Variants in MAD1L1 observed in about 807,000 individuals in gnomAD.
MAD1L1 encodes mitotic arrest deficient 1 like 1, also known as mitotic spindle assembly checkpoint protein MAD1.
MAD1L1 carries 95 observed loss-of-function variants against 96.9 expected under a neutral mutation model. That is an observed-to-expected ratio of 0.98 (90% CI 0.83 to 1.16). The LOEUF (loss-of-function observed/expected upper bound fraction) is 1.16. Ranked by LOEUF, MAD1L1 falls within the 50% of genes most tolerant of loss-of-function variation. The pLI is 0.00. For synonymous variants in MAD1L1, 473 were observed against 396.6 expected (o/e 1.19, Z -2.29); for missense variants, 1,007 against 954.4 (o/e 1.06, Z -0.73).
At chr7:1,985,187 C>T (rs1027356523) in intron 14 of MAD1L1, among the ~76,000 whole-genome samples, 7 of 152,224 alleles carry the variant, frequency 4.6e-5, no homozygotes, top group Non-Finnish European at 7.3e-5. Context: ...ACTCAGCAGA[C>T]GGCCCCGGGC....
intron 11 of MAD1L1, among the ~76,000 whole-genome samples, chr7:2,129,323 T>C (rs948615650): frequency 1.3e-5 from 2 of 152,232 alleles, no homozygotes; most frequent in Non-Finnish European, 2.9e-5. Context: ...TGTGGACATC[T>C]GAATGTGCTG....
chr7:1,919,952 C>T (rs1418604781), intron 17 of MAD1L1, among the ~76,000 whole-genome samples: 1 of 152,120 alleles, frequency 6.6e-6, no homozygotes, highest in African/African-American at 2.4e-5. Flanking sequence ...TACCCACACC[C>T]CTCCTCCAGT....
intron 18 of MAD1L1, among the ~76,000 whole-genome samples, chr7:1,817,914 T>C (rs1158412188): frequency 6.6e-6 from 1 of 151,820 alleles, no homozygotes; most frequent in Non-Finnish European, 1.5e-5. Context: ...GAGCACGTGC[T>C]GCCCCAGAGG....
chr7:2,022,729 G>A (rs1466537199), intron 12 of MAD1L1, among the ~76,000 whole-genome samples: 3 of 152,046 alleles, frequency 2.0e-5, no homozygotes, highest in African/African-American at 7.3e-5. Context: ...CGATCATTTC[G>A]AATGTGAATG....
At chr7:1,843,935 C>A (rs186784864) in intron 18 of MAD1L1, among the ~76,000 whole-genome samples, 1 of 152,188 alleles carries the variant, frequency 6.6e-6, no homozygotes, top group South Asian at 2.1e-4. Context: ...TGGCTAGGGG[C>A]GGGGAGGGGA....
At position 1,888,420 on chromosome 7, in the gene MAD1L1, G is replaced by C. The variant is rs1347223740; in HGVS notation, c.1998+9780C>G. Among the ~76,000 whole-genome samples the C allele has an allele frequency of 1.5e-4, 23 of 149,098 alleles. No individual in the cohort carries two copies. In the East Asian group the frequency reaches 4.5e-3, roughly 29 times the overall value. On this transcript the variant is annotated intron_variant, in intron 18 of 18. Transcript: ENST00000265854. ...CATGCGTGTGGCTGCCTGTGCATGT[G>C]AGCATGCATGTGGCTGCCTGTACAT...
At chr7:1,852,284 C>A (rs1490407853) in intron 18 of MAD1L1, among the ~76,000 whole-genome samples, 2 of 152,220 alleles carry the variant, frequency 1.3e-5, no homozygotes, top group East Asian at 1.9e-4. Context: ...TTCAGGCCCC[C>A]ACACCTGCAG....
At chr7:2,004,538 G>A (rs146162575) in intron 13 of MAD1L1, among the ~76,000 whole-genome samples, 79 of 152,300 alleles carry the variant, frequency 5.2e-4, no homozygotes, top group African/African-American at 1.6e-3. Context: ...AGAGCTGTGC[G>A]CGAGGCCCGG....
chr7:1,957,490 G>T (rs1040859818), intron 16 of MAD1L1, 139 bp downstream of exon 16: 3 of 824,832 alleles, frequency 3.6e-6, no homozygotes, highest in Non-Finnish European at 5.7e-6. Flanking sequence ...GCAAGGGGGT[G>T]CACATGGGAG....
chr7:2,168,710 C>T (rs951873447), intron 10 of MAD1L1, among the ~76,000 whole-genome samples: 1 of 152,264 alleles, frequency 6.6e-6, no homozygotes, highest in African/African-American at 2.4e-5. Flanking sequence ...ACGATACTCC[C>T]GCGTGGAGGG....
Position 2,142,490 on chromosome 7 carries a change from C to T in MAD1L1, c.1073+6662G>A, listed in dbSNP as rs1397855644. ...GAGGGGGACAGGAGCAGGATACAGA[C>T]AGATCACGCGGGTTCTCTGCTGCCG... On this transcript the variant is annotated intron_variant, in intron 11 of 18. Transcript: ENST00000265854. This position sits in a 1 kb window ranked among gnomAD's most constrained non-coding sequence, Gnocchi z 4.7. Among the ~76,000 whole-genome samples, 1 of 152,262 alleles carries T rather than the reference C, an allele frequency of 6.6e-6. No homozygotes were observed. Among genetic ancestry groups the T allele is most frequent in the Non-Finnish European group, 1.5e-5 (1 of 68,044 alleles).
intron 15 of MAD1L1, among the ~76,000 whole-genome samples, chr7:1,972,817 A>G (rs1411742247): frequency 6.6e-6 from 1 of 152,132 alleles, no homozygotes; most frequent in African/African-American, 2.4e-5. Context: ...CTTCCTTCTC[A>G]GCACCGGTCT....
At chr7:2,198,492 C>T (rs950759982) in intron 10 of MAD1L1, among the ~76,000 whole-genome samples, 1 of 152,246 alleles carries the variant, frequency 6.6e-6, no homozygotes, top group Non-Finnish European at 1.5e-5. Context: ...ACACACAACA[C>T]CAGGAGCGCT....
intron 18 of MAD1L1, among the ~76,000 whole-genome samples, chr7:1,844,525 G>C (rs762467404): frequency 2.0e-5 from 3 of 152,122 alleles, no homozygotes; most frequent in Non-Finnish European, 4.4e-5. Flanking sequence ...GGGCAGAGGC[G>C]GCCCAGGGAG....
intron 10 of MAD1L1, among the ~76,000 whole-genome samples, chr7:2,184,183 C>T (rs977069032): frequency 9.2e-5 from 14 of 151,948 alleles, no homozygotes; most frequent in African/African-American, 2.2e-4. Flanking sequence ...ATCCGGGAGG[C>T]GGAGCTTGCA....
chr7:1,826,622 C>T (rs1782408638), intron 18 of MAD1L1, among the ~76,000 whole-genome samples: 1 of 152,230 alleles, frequency 6.6e-6, no homozygotes, highest in South Asian at 2.1e-4. Context: ...CAGCCGGGCC[C>T]AAAAGAGGCC....
chr7:1,891,710 A>G lies in MAD1L1; in HGVS notation c.1998+6490T>C, dbSNP rs536777632. Among the ~76,000 whole-genome samples, 19 of 152,204 alleles carry G rather than the reference A, an allele frequency of 1.2e-4. No homozygotes were observed. The East Asian group carries it at 2.5e-3, about 20-fold the overall frequency. Reference sequence around the variant, plus strand: ...ATTCTCCCGCCTCAGCCTCTGGAGTAGCTGGGACGATAAGCAGGCGCCACC... The same window carrying G: ...ATTCTCCCGCCTCAGCCTCTGGAGTGGCTGGGACGATAAGCAGGCGCCACC... On this transcript the variant is annotated intron_variant, in intron 18 of 18. Transcript: ENST00000265854.
At chr7:1,839,328 AGGAAAGCGTCCTGCCCCCTGCCTG>A (rs1562442776) in intron 18 of MAD1L1, among the ~76,000 whole-genome samples, 153 of 148,002 alleles carry the variant, frequency 1.0e-3, no homozygotes, top group African/African-American at 3.9e-3. Flanking sequence ...CCTGCCTGGC[AGGAAAGCGTCCTGCCCCCTGCCTG>A]GCAGGAAAGC....
chr7:2,060,154 C>A (rs552952835), intron 12 of MAD1L1, among the ~76,000 whole-genome samples: 1 of 149,644 alleles, frequency 6.7e-6, no homozygotes, highest in African/African-American at 2.5e-5. Context: ...TGCCAAGATA[C>A]GCCGAAGCCG....
Sources: gnomAD v4.1 joint callset for allele counts (sites outside exome capture counted in the v4.1 genomes callset) on GRCh38, gnomAD v4.1.1 for gene constraint, Gnocchi (gnomAD v3.1) non-coding constraint, MANE v1.5 for transcripts, NCBI Gene and HGNC (gene_info 2026-07-23, HGNC 2026-07-21) for gene names.